Variants in PRDM5 observed in about 807,000 individuals in gnomAD.
PRDM5 encodes PR/SET domain 5.
In PRDM5, 56 loss-of-function variants were observed where a neutral mutation model predicts 81.2. The ratio of observed to expected loss-of-function variants is 0.69; its 90% CI spans 0.56 to 0.86. PRDM5 has a LOEUF of 0.86. PRDM5 is among the 40% of genes least tolerant of loss of function. The probability of loss-of-function intolerance (pLI) is 0.00; values close to 1 mark genes in which losing one functional copy is unlikely to be tolerated. For synonymous variants in PRDM5, 267 were observed against 256.4 expected, an observed-to-expected ratio of 1.04 and a Z score of -0.39; for missense variants, 697 against 770.1, an observed-to-expected ratio of 0.91 and a Z score of 1.12.
chr4:120,698,395 C>T (rs1734834702), intron 15 of PRDM5, among the ~76,000 whole-genome samples: 1 of 152,078 alleles, frequency 6.6e-6, no homozygotes, highest in Non-Finnish European at 1.5e-5. Flanking sequence ...CTTTTATTCC[C>T]CTTTATTTTC....
At chr4:120,750,521 C>T (rs1743830073) in intron 14 of PRDM5, among the ~76,000 whole-genome samples, 1 of 152,124 alleles carries the variant, frequency 6.6e-6, no homozygotes. Flanking sequence ...GCAGCCCACC[C>T]CCTGGAGAAG....
In PRDM5 at chr4:120,692,603, T is replaced by C. The variant is rs1322126499; in HGVS notation, c.*2508A>G. The C allele has an allele frequency of 2.0e-5, 3 of 152,088 alleles. No homozygotes were observed. The allele number at this position is 152,088 out of a possible 1,614,324, so 9.4% of individuals were successfully genotyped here. A position where few individuals can be genotyped will look rare whatever the true frequency, so the allele number is the denominator to read the frequency against. On this transcript the variant is annotated 3_prime_UTR_variant, in exon 16 of 16. Coordinates refer to ENST00000264808, the MANE Select transcript of PRDM5 (RefSeq NM_018699.4). ...TGTTAATATACTAAGAAGACAGTTA[T>C]TATAAAAGGGTATCTGAACCCACCT...
At chr4:120,849,407 A>T (rs1434545399) in intron 3 of PRDM5, among the ~76,000 whole-genome samples, 2 of 152,146 alleles carry the variant, frequency 1.3e-5, no homozygotes, top group Non-Finnish European at 2.9e-5. Context: ...AGCATTCTAA[A>T]CTGACAGCAG....
At chr4:120,853,632 T>A in intron 2 of PRDM5, 92 bp from the exon 3 acceptor site, 1 of 1,513,950 alleles carries the variant, frequency 6.6e-7, no homozygotes, top group Non-Finnish European at 9.2e-7. Flanking sequence ...TTTTCATAAG[T>A]ATATACCTTT....
chr4:120,740,347 T>C (rs980686141), intron 14 of PRDM5, among the ~76,000 whole-genome samples: 6 of 152,354 alleles, frequency 3.9e-5, no homozygotes, highest in African/African-American at 1.4e-4. Flanking sequence ...AGTTATTAAA[T>C]TTGTACATCT....
chr4:120,703,415 C>T (rs1735663535), intron 15 of PRDM5, among the ~76,000 whole-genome samples: 2 of 152,082 alleles, frequency 1.3e-5, no homozygotes, highest in Admixed American at 1.3e-4. Flanking sequence ...GTCTTGAACT[C>T]CTGGGCTTAA....
chr4:120,909,271 G>C (rs2148686351), intron 1 of PRDM5, among the ~76,000 whole-genome samples: 1 of 152,256 alleles, frequency 6.6e-6, no homozygotes, highest in South Asian at 2.1e-4. Flanking sequence ...ATGGTCCACT[G>C]CTGAGGCCAC....
chr4:120,846,317 T>C (rs954439553), intron 3 of PRDM5, among the ~76,000 whole-genome samples: 1 of 152,192 alleles, frequency 6.6e-6, no homozygotes, highest in African/African-American at 2.4e-5. Flanking sequence ...GAAAAGTCAA[T>C]TGATGCAGCA....
At chr4:120,872,137 C>G (rs1316155172) in intron 2 of PRDM5, among the ~76,000 whole-genome samples, 1 of 64,520 alleles carries the variant, frequency 1.5e-5, no homozygotes, top group Non-Finnish European at 2.9e-5. Flanking sequence ...GGCGACAGAG[C>G]AAGACTCCAT....
chr4:120,825,307 T>C (rs1511301), intron 3 of PRDM5, among the ~76,000 whole-genome samples: 134,650 of 152,226 alleles, frequency 0.88, 59,623 homozygotes, highest in East Asian at 0.93. Flanking sequence ...TACTATTTAA[T>C]AAAAACTTGA....
intron 14 of PRDM5, among the ~76,000 whole-genome samples, chr4:120,737,091 T>A (rs1392697754): frequency 6.6e-6 from 1 of 152,130 alleles, no homozygotes; most frequent in East Asian, 1.9e-4. Context: ...CTGAGCTTCA[T>A]CTGTCAGGCG....
chr4:120,738,297 A>C (rs1459664701), intron 14 of PRDM5, among the ~76,000 whole-genome samples: 1 of 152,192 alleles, frequency 6.6e-6, no homozygotes, highest in African/African-American at 2.4e-5. Flanking sequence ...TTCAGACTCT[A>C]CCGTTGTCAT....
chr4:120,740,974 T>C (rs1741843668), intron 14 of PRDM5, among the ~76,000 whole-genome samples: 2 of 152,196 alleles, frequency 1.3e-5, no homozygotes, highest in South Asian at 4.1e-4. Flanking sequence ...GGTGTGCACT[T>C]TGCTTATGCA....
chr4:120,802,413 G>A (rs1353401818), intron 8 of PRDM5, among the ~76,000 whole-genome samples: 1 of 152,222 alleles, frequency 6.6e-6, no homozygotes, highest in Non-Finnish European at 1.5e-5. Flanking sequence ...GTGCAGGACA[G>A]TGGGTGCCTG....
At chr4:120,754,345 CCT>C (rs1483247341) in intron 14 of PRDM5, among the ~76,000 whole-genome samples, 6 of 151,904 alleles carry the variant, frequency 3.9e-5, no homozygotes, top group Non-Finnish European at 5.9e-5. Flanking sequence ...AGAATAAAAA[CCT>C]TTTTGAGGTT....
intron 14 of PRDM5, among the ~76,000 whole-genome samples, chr4:120,747,240 C>T (rs2149130288): frequency 7.1e-6 from 1 of 141,226 alleles, no homozygotes; most frequent in South Asian, 2.3e-4. Context: ...ACAATGAGAT[C>T]ACATGGACAC....
At chr4:120,871,205 T>C (rs1761753047) in intron 2 of PRDM5, among the ~76,000 whole-genome samples, 1 of 152,210 alleles carries the variant, frequency 6.6e-6, no homozygotes, top group Non-Finnish European at 1.5e-5. Context: ...TTGTTGTTGT[T>C]GTTGTTGTTC....
intron 13 of PRDM5, among the ~76,000 whole-genome samples, chr4:120,771,750 G>A (rs145603417): frequency 0.016 from 2,468 of 152,176 alleles, 31 homozygotes; most frequent in Non-Finnish European, 0.026. Context: ...GTAAATAAAC[G>A]TAAGAAGAAA....
Position 120,686,193 on chromosome 4 carries a change from G to A in PRDM5, n.104-1168C>T, listed in dbSNP as rs186463707. Among the ~76,000 whole-genome samples the A allele has an allele frequency of 2.8e-3, 429 of 151,122 alleles. 3 individuals are homozygous for A. Among genetic ancestry groups the A allele is most frequent in the Non-Finnish European group, 2.0e-3 (135 of 67,412 alleles). ...CTTCCTGTATATCCTGCATAACTGT[G>A]AGCCAATTAAACATTTGTTTCTTTA... On this transcript the variant is annotated intron_variant and non_coding_transcript_variant, in intron 1 of 1. Coordinates refer to the PRDM5 transcript ENST00000513741.
Sources: gnomAD v4.1 joint callset for allele counts (sites outside exome capture counted in the v4.1 genomes callset) on GRCh38, gnomAD v4.1.1 for gene constraint, MANE v1.5 for transcripts, NCBI Gene and HGNC (gene_info 2026-07-23, HGNC 2026-07-21) for gene names.